LRP4: variants seen among roughly 807,000 people sequenced by gnomAD.
LRP4 encodes low-density lipoprotein receptor-related protein 4.
Under a neutral mutation model 220.3 loss-of-function variants are expected in LRP4, and 95 were observed. That is an observed-to-expected ratio of 0.43 (90% CI 0.37 to 0.51). The LOEUF (loss-of-function observed/expected upper bound fraction) is 0.51. LRP4 is among the 20% of genes least tolerant of loss of function. The pLI, the probability that LRP4 is intolerant of heterozygous loss-of-function variation, is 0.00. For missense variants in LRP4, 1,925 were observed against 2,567.0 expected, an observed-to-expected ratio of 0.75 and a Z score of 5.40; for synonymous variants, 903 against 954.6, an observed-to-expected ratio of 0.95 and a Z score of 1.00.
intron 20 of LRP4, 60 bp downstream of exon 20, chr11:46,881,642 T>C: frequency 6.5e-7 from 1 of 1,535,242 alleles, no homozygotes; most frequent in Non-Finnish European, 9.0e-7. Context: ...CTGGAGGCTG[T>C]CAAGGCTGTG....
In LRP4 at chr11:46,901,796, G is replaced by A. The variant is rs1941670298; in HGVS notation, c.199+987C>T. 2.0e-5 allele frequency among the ~76,000 whole-genome samples: 3 copies of A among 151,874 alleles called. No homozygotes were observed. The South Asian group carries it at 6.2e-4, about 31-fold the overall frequency. On this transcript the variant is annotated intron_variant, in intron 2 of 37. Transcript: ENST00000378623. ...CGCCCAATCTGGAGTGCAGTGGCGCGATCTCGGCTCACTGCAAGCTCTGTC... is the reference window on the plus strand; with the variant it reads ...CGCCCAATCTGGAGTGCAGTGGCGCAATCTCGGCTCACTGCAAGCTCTGTC...
chr11:46,895,108 C>A lies in LRP4; in HGVS notation c.1309+58G>T, dbSNP rs906082341. 1.1e-5 allele frequency: 18 copies of A among 1,608,918 alleles called. No homozygotes were observed. In the African/African-American group the frequency reaches 2.4e-4, roughly 21 times the overall value. ...TGCAAATCCCTGAGCACCAGAGTAC[C>A]TGGCCTTCCTCCATGCTCGGCCCTC... is the stretch of plus-strand genomic sequence containing the variant. On this transcript the variant is annotated intron_variant, in intron 11 of 37. Transcript: ENST00000378623.
At chr11:46,900,145 C>G in intron 3 of LRP4, 117 bp downstream of exon 3, 1 of 985,050 alleles carries the variant, frequency 1.0e-6, no homozygotes, top group Non-Finnish European at 1.6e-6. Flanking sequence ...AGTGAAAGGA[C>G]AGGACAAAGT....
Position 46,873,832 on chromosome 11 carries a change from G to A in LRP4, c.4230-239C>T, listed in dbSNP as rs111615101. The A allele has an allele frequency of 1.6e-5, 8 of 507,010 alleles. No homozygotes were observed. Among genetic ancestry groups the A allele is most frequent in the East Asian group, 2.9e-5 (1 of 33,984 alleles). 31.4% of individuals were successfully genotyped at this position (507,010 alleles called of 1,614,324 possible). Reference sequence around the variant, plus strand: ...TTTCCTGCTAACTGGACATAGTGGCGGTTGCCAGGGGATGTCTTGCTAGAA... The same window carrying A: ...TTTCCTGCTAACTGGACATAGTGGCAGTTGCCAGGGGATGTCTTGCTAGAA... On this transcript the variant is annotated intron_variant, in intron 28 of 37. Transcript: ENST00000378623. This position sits in a 1 kb window ranked among gnomAD's most constrained non-coding sequence, Gnocchi z 4.2.
chr11:46,875,700 G>C lies in LRP4; in HGVS notation c.3700-19C>G. On this transcript the variant is annotated intron_variant, in intron 26 of 37. Transcript: ENST00000378623. This position sits in a 1 kb window ranked among gnomAD's most constrained non-coding sequence, Gnocchi z 4.5. The stretch of plus-strand genomic sequence containing the variant: ...CAATTCGCTGCAGAGGAAGGAGAGG[G>C]TGGGGGGTGGTGATCAGCAGATTGG... The C allele has an allele frequency of 1.9e-6, 3 of 1,612,760 alleles. No homozygotes were observed. Among genetic ancestry groups the C allele is most frequent in the Non-Finnish European group, 8.5e-7 (1 of 1,178,860 alleles).
At position 46,894,630 on chromosome 11, in the gene LRP4, C is replaced by T. The variant is rs753538736; in HGVS notation, c.1499G>A (p.Ser500Asn). 6.2e-7 allele frequency: 1 copy of T among 1,613,538 alleles called. No individual in the cohort carries two copies. The highest frequency in any genetic ancestry group is 1.1e-5 in the South Asian group (1 of 90,938). ...DRILRANLNG[S>N]NVEEVVSTGL... ...AGTAGACACAACCTCCTCCACGTTG[C>T]TGCCGTTGAGGTTGGCACGGAGGAT... Residue 500 changes from serine (S) to asparagine (N), a missense_variant, in exon 12 of 38, where the codon AGC becomes AAC. Transcript: ENST00000378623.
Position 46,873,399 on chromosome 11 carries a change from G to C in LRP4, c.4424C>G (p.Ala1475Gly), listed in dbSNP as rs1314468807. ...LINNSLDEPRAIAVFPRKGYL... is the reference protein window; with the variant it reads ...LINNSLDEPRGIAVFPRKGYL... ...CCCCTTCCTGGGGAAAACAGCAATG[G>C]CCCGGGGCTCATCCAGGCTATTGTT... Residue 1475 changes from alanine to glycine, a missense_variant, in exon 29 of 38, where the codon GCC (alanine) becomes GGC (glycine). This residue lies in a region of LRP4 where 1,244 missense variants were observed against 1,624.9 expected (regional missense o/e 0.77). Coordinates refer to ENST00000378623, the MANE Select transcript of LRP4 (RefSeq NM_002334.4). This position sits in a 1 kb window ranked among gnomAD's most constrained non-coding sequence, Gnocchi z 4.2. The C allele has an allele frequency of 6.2e-7, 1 of 1,614,132 alleles. No homozygotes were observed. Among genetic ancestry groups the C allele is most frequent in the Non-Finnish European group, 8.5e-7 (1 of 1,180,018 alleles).
intron 18 of LRP4, among the ~76,000 whole-genome samples, chr11:46,885,383 C>T (rs181634136): frequency 1.3e-5 from 2 of 152,272 alleles, no homozygotes; most frequent in African/African-American, 4.8e-5. Context: ...GCAGAGGAGG[C>T]AAGGTTGTCA....
At chr11:46,916,433 C>A (rs574285985) in intron 1 of LRP4, among the ~76,000 whole-genome samples, 303 of 152,242 alleles carry the variant, frequency 2.0e-3, no homozygotes, top group African/African-American at 7.1e-3. Flanking sequence ...GAGTGAGACA[C>A]CCTCTCCAAG....
intron 36 of LRP4, among the ~76,000 whole-genome samples, chr11:46,864,004 T>C (rs1195839289): frequency 6.6e-6 from 1 of 152,216 alleles, no homozygotes; most frequent in Non-Finnish European, 1.5e-5. Flanking sequence ...ACATTCTACC[T>C]TTCCAGAATG....
intron 31 of LRP4, among the ~76,000 whole-genome samples, chr11:46,869,615 T>C (rs1940805246): frequency 6.6e-6 from 1 of 152,192 alleles, no homozygotes; most frequent in African/African-American, 2.4e-5. Flanking sequence ...TGTAGGCAGC[T>C]TTCTTCTAAA....
At chr11:46,892,772 G>A (rs554188381) in intron 13 of LRP4, among the ~76,000 whole-genome samples, 1 of 152,274 alleles carries the variant, frequency 6.6e-6, no homozygotes, top group South Asian at 2.1e-4. Context: ...GTTTCCCCAT[G>A]TTGGCCAGGC....
chr11:46,877,590 C>A lies in LRP4; in HGVS notation c.3137-251G>T, dbSNP rs149388710. On this transcript the variant is annotated intron_variant, in intron 22 of 37. Coordinates refer to ENST00000378623, the MANE Select transcript of LRP4 (RefSeq NM_002334.4). ...TCAAGCGATCCTCCCACCTCAGCCC[C>A]CTGAGTAGCTGGGACTACAGGCACA... Among the ~76,000 whole-genome samples, 202 of 152,266 alleles carry A rather than the reference C, an allele frequency of 1.3e-3. 3 individuals are homozygous for A. The highest frequency in any genetic ancestry group is 9.5e-3 in the Admixed American group (145 of 15,302).
intron 1 of LRP4, among the ~76,000 whole-genome samples, chr11:46,903,937 C>G (rs1326045916): frequency 6.6e-6 from 1 of 152,210 alleles, no homozygotes; most frequent in African/African-American, 2.4e-5. Context: ...AGCTATCTGC[C>G]TGGCCAAGTC....
rs1478531937 is a variant in LRP4, at chr11:46,884,118, A to G, written c.2507-142T>C. 5 of 694,616 alleles carry G rather than the reference A, an allele frequency of 7.2e-6. No homozygotes were observed. In the African/African-American group the frequency reaches 8.8e-5, roughly 12 times the overall value. The allele number at this position is 694,616 out of a possible 1,614,324, so 43.0% of individuals were successfully genotyped here. The stretch of plus-strand genomic sequence containing the variant: ...ATATTTTGTGACAGATGCACAACGG[A>G]AATTTAGTGACTTGAACTGCAAGAA... On this transcript the variant is annotated intron_variant, in intron 18 of 37. Transcript: ENST00000378623.
intron 1 of LRP4, among the ~76,000 whole-genome samples, chr11:46,907,775 C>T (rs1353405848): frequency 6.6e-6 from 1 of 152,202 alleles, no homozygotes; most frequent in Non-Finnish European, 1.5e-5. Context: ...ACCACAAATT[C>T]CGCAATTTTG....
chr11:46,911,552 G>A (rs1263816550), intron 1 of LRP4, among the ~76,000 whole-genome samples: 1 of 144,948 alleles, frequency 6.9e-6, no homozygotes, highest in Non-Finnish European at 1.5e-5. Context: ...TCATGCCACT[G>A]CACTCCAGCC....
At chr11:46,897,087 G>T in intron 7 of LRP4, 93 bp from the exon 8 acceptor site, 1 of 1,522,360 alleles carries the variant, frequency 6.6e-7, no homozygotes, top group Non-Finnish European at 9.1e-7. Context: ...CAGTACCCAT[G>T]CCACTCTTGA....
intron 34 of LRP4, 88 bp downstream of exon 34, chr11:46,867,891 A>G (rs1940745726): frequency 6.5e-7 from 1 of 1,528,672 alleles, no homozygotes; most frequent in Non-Finnish European, 9.0e-7. Flanking sequence ...TCTATCTCCC[A>G]ACTGCCTTAT....
Sources: gnomAD v4.1 joint callset for allele counts (sites outside exome capture counted in the v4.1 genomes callset) on GRCh38, gnomAD v4.1.1 for gene constraint, gnomAD v4.1.1 regional missense constraint, Gnocchi (gnomAD v3.1) non-coding constraint, MANE v1.5 for transcripts, NCBI Gene and HGNC (gene_info 2026-07-23, HGNC 2026-07-21) for gene names.